Variants in PSME4 observed in about 807,000 individuals in gnomAD.
PSME4 encodes proteasome activator subunit 4.
Under a neutral mutation model 253.9 loss-of-function variants are expected in PSME4, and 89 were observed. The observed-to-expected ratio is 0.35, with a 90% confidence interval of 0.30 to 0.42. The LOEUF is 0.42. Ranked by LOEUF, PSME4 falls within the 10% of genes least tolerant of loss-of-function variation. PSME4 has a pLI of 1.00. For missense variants in PSME4, 2,014 were observed against 2,195.2 expected, an observed-to-expected ratio of 0.92 and a Z score of 1.65; for synonymous variants, 851 against 759.2, an observed-to-expected ratio of 1.12 and a Z score of -1.99.
At chr2:53,945,317 A>T (rs1163744947) in intron 3 of PSME4, among the ~76,000 whole-genome samples, 2 of 152,212 alleles carry the variant, frequency 1.3e-5, no homozygotes, top group Admixed American at 6.5e-5. Flanking sequence ...TATAAAGTAA[A>T]TAATAATTCT....
Position 53,869,514 on chromosome 2 carries a change from A to T in PSME4, c.5125T>A (p.Leu1709Ile). The stretch of plus-strand genomic sequence containing the variant: ...AAGTTACACTGTAGCAGACCGCTTA[A>T]GGTAGTAGCAGCCATTTCTCGAACC... Reference protein sequence around the residue: ...LEVREMAATTLSGLLQCNFLT... With the variant: ...LEVREMAATTISGLLQCNFLT... Residue 1709 changes from leucine (L) to isoleucine (I), a missense_variant, in exon 44 of 47, where the codon TTA becomes ATA. Leu to Ile is a conservative substitution (Grantham distance 5). Transcript: ENST00000404125. The T allele has an allele frequency of 6.5e-7, 1 of 1,530,996 alleles. No individual in the cohort carries two copies. Among genetic ancestry groups the T allele is most frequent in the Non-Finnish European group, 8.9e-7 (1 of 1,123,242 alleles). 94.8% of individuals were successfully genotyped at this position (1,530,996 alleles called of 1,614,324 possible). A position where few individuals can be genotyped will look rare whatever the true frequency, so the allele number is the denominator to read the frequency against.
intron 7 of PSME4, 43 bp downstream of exon 7, chr2:53,936,044 C>T: frequency 6.3e-7 from 1 of 1,585,816 alleles, no homozygotes; most frequent in Non-Finnish European, 8.6e-7. Context: ...CAGGCGCCTA[C>T]CACCCCATGC....
Position 53,923,432 on chromosome 2 carries a change from G to A in PSME4, c.1810-13C>T, listed in dbSNP as rs1205442126. 4 of 1,574,318 alleles carry A rather than the reference G, an allele frequency of 2.5e-6. No homozygotes were observed. The highest frequency in any genetic ancestry group is 3.4e-6 in the Non-Finnish European group (4 of 1,166,224). ...TCTGAAGGGCCACCTGTTAAGATAT[G>A]AAAATGTTTAATGAGCATTTTTTAA... On this transcript the variant is annotated splice_polypyrimidine_tract_variant and intron_variant, in intron 14 of 46. Transcript: ENST00000404125.
intron 27 of PSME4, 21 bp from the exon 28 acceptor site, chr2:53,901,580 A>G (rs1343454023): frequency 1.3e-6 from 2 of 1,565,286 alleles, no homozygotes; most frequent in Non-Finnish European, 8.8e-7. Flanking sequence ...AAAAATATAT[A>G]TATGTTTACA....
At chr2:53,908,701 A>G (rs1038958237) in intron 22 of PSME4, 83 bp downstream of exon 22, 15 of 1,445,676 alleles carry the variant, frequency 1.0e-5, no homozygotes, top group Admixed American at 8.5e-5. Flanking sequence ...AAAAACATTA[A>G]GTAAACACAT....
Position 53,865,991 on chromosome 2 carries a change from T to C in PSME4, c.*4+94A>G, listed in dbSNP as rs888647992. ...CCGCCATCCAACTTTATCTAAACACTGACATCTAAGAATGTCAGCAAAAAG... is the reference window on the plus strand; with the variant it reads ...CCGCCATCCAACTTTATCTAAACACCGACATCTAAGAATGTCAGCAAAAAG... On this transcript the variant is annotated intron_variant, in intron 46 of 46. Transcript: ENST00000404125. 3.7e-5 allele frequency: 47 copies of C among 1,272,794 alleles called. No homozygotes were observed. The African/African-American group carries it at 5.4e-4, about 15-fold the overall frequency. The allele number at this position is 1,272,794 out of a possible 1,614,324, so 78.8% of individuals were successfully genotyped here. A position where few individuals can be genotyped will look rare whatever the true frequency, so the allele number is the denominator to read the frequency against.
intron 20 of PSME4, among the ~76,000 whole-genome samples, chr2:53,913,080 C>T (rs937148259): frequency 4.6e-5 from 7 of 152,132 alleles, no homozygotes; most frequent in Non-Finnish European, 8.8e-5. Flanking sequence ...ATTTTACAAA[C>T]CATAGTATCA....
chr2:53,908,713 C>T, intron 22 of PSME4, 71 bp downstream of exon 22: 1 of 1,444,924 alleles, frequency 6.9e-7, no homozygotes, highest in Non-Finnish European at 9.5e-7. Flanking sequence ...TAAACACATG[C>T]ATGTTATAGA....
intron 1 of PSME4, among the ~76,000 whole-genome samples, chr2:53,953,470 T>G (rs1670092083): frequency 7.9e-6 from 1 of 126,918 alleles, no homozygotes; most frequent in Non-Finnish European, 1.6e-5. Context: ...AGCAACATGG[T>G]GAAACCCCAT....
intron 38 of PSME4, 58 bp from the exon 39 acceptor site, chr2:53,888,047 C>T: frequency 6.6e-7 from 1 of 1,507,362 alleles, no homozygotes; most frequent in South Asian, 1.3e-5. Context: ...TACATATTGA[C>T]AGTATGGACA....
Position 53,866,090 on chromosome 2 carries a change from T to C in PSME4, c.5531A>G (p.Ter1844TrpextTer4), listed in dbSNP as rs1386773352. 6.2e-7 allele frequency: 1 copy of C among 1,609,380 alleles called. No individual in the cohort carries two copies. Among genetic ancestry groups the C allele is most frequent in the Non-Finnish European group, 8.5e-7 (1 of 1,177,240 alleles). The part of the protein sequence containing the change: ...DLLVSPCYYA[*>W] ...TCAGAACTTTGCTGACTTACCTTTCTATGCATAATAGCATGGTGACACAAG... is the reference window on the plus strand; with the variant it reads ...TCAGAACTTTGCTGACTTACCTTTCCATGCATAATAGCATGGTGACACAAG... Residue 1844 changes from the stop codon to tryptophan, a stop_lost, in exon 46 of 47, where the codon TAG becomes TGG. Coordinates refer to ENST00000404125, the MANE Select transcript of PSME4 (RefSeq NM_014614.3).
At position 53,967,649 on chromosome 2, in the gene PSME4, CAAAAAAAAAAA is replaced by C. The variant is rs71408747; in HGVS notation, c.242+2883_242+2893del. On this transcript the variant is annotated intron_variant, in intron 1 of 46. Coordinates refer to ENST00000404125, the MANE Select transcript of PSME4 (RefSeq NM_014614.3). The stretch of plus-strand genomic sequence containing the variant: ...TCTGGGCAACAGAGTGAGATTGTCT[CAAAAAAAAAAA>C]AAAAAAAAAAAAAAAAAAAGTCAAA... Among the ~76,000 whole-genome samples the C allele has an allele frequency of 9.7e-4, 21 of 21,554 alleles. No individual in the cohort carries two copies. The South Asian group carries it at 0.019, about 20-fold the overall frequency. 14.1% of individuals were successfully genotyped at this position (21,554 alleles called of 152,430 possible).
rs552301117 is a variant in PSME4, at chr2:53,874,203, C to G, written c.5100+136G>C. The G allele has an allele frequency of 3.9e-5, 33 of 848,680 alleles. 3 individuals are homozygous for G. The South Asian group carries it at 5.0e-4, about 13-fold the overall frequency. The allele number at this position is 848,680 out of a possible 1,614,324, so 52.6% of individuals were successfully genotyped here. ...TCAAACTCCTGGCATCAAGTGATCT[C>G]ACTGACTTCGTCTCTCAAAGAGTTG... On this transcript the variant is annotated intron_variant, in intron 43 of 46. Transcript: ENST00000404125.
intron 41 of PSME4, among the ~76,000 whole-genome samples, chr2:53,878,183 C>T (rs906742930): frequency 6.6e-6 from 1 of 152,140 alleles, no homozygotes; most frequent in African/African-American, 2.4e-5. Flanking sequence ...TTATTAGTTC[C>T]CCAAATTAAT....
At chr2:53,969,972 C>T (rs1047773213) in intron 1 of PSME4, among the ~76,000 whole-genome samples, 10 of 152,132 alleles carry the variant, frequency 6.6e-5, no homozygotes, top group Non-Finnish European at 7.4e-5. Flanking sequence ...TGACTTTAAA[C>T]GACCCTTTTC....
intron 32 of PSME4, among the ~76,000 whole-genome samples, chr2:53,896,176 A>C (rs536901420): frequency 3.9e-5 from 6 of 152,180 alleles, no homozygotes; most frequent in African/African-American, 1.4e-4. Context: ...AACTGTAGAC[A>C]TCATCTCAAA....
At chr2:53,886,576 C>T (rs898144257) in intron 40 of PSME4, among the ~76,000 whole-genome samples, 2 of 152,168 alleles carry the variant, frequency 1.3e-5, no homozygotes, top group African/African-American at 2.4e-5. Context: ...GGCGAGAACA[C>T]GGAACCCTTG....
At chr2:53,938,882 ACTATGCTCCACCTTCAAAGATCTC>A (rs1669248380) in intron 4 of PSME4, among the ~76,000 whole-genome samples, 1 of 152,194 alleles carries the variant, frequency 6.6e-6, no homozygotes, top group African/African-American at 2.4e-5. Context: ...ACAAAAACAA[ACTATGCTCCACCTTCAAAGATCTC>A]ACATATCAAG....
rs549869090 is a variant in PSME4, at chr2:53,966,032, C to T, written c.242+4511G>A. 2.6e-5 allele frequency among the ~76,000 whole-genome samples: 4 copies of T among 152,276 alleles called. 1 individual carries two copies. The highest frequency in any genetic ancestry group is 9.6e-5 in the African/African-American group (4 of 41,562). ...ACATGGTGACTCACGCCTGTAATCCCAGCACCTTGGGAGGCCGAGATCTTG... is the reference window on the plus strand; with the variant it reads ...ACATGGTGACTCACGCCTGTAATCCTAGCACCTTGGGAGGCCGAGATCTTG... On this transcript the variant is annotated intron_variant, in intron 1 of 46. Transcript: ENST00000404125.
Sources: allele counts gnomAD v4.1 joint callset (sites outside exome capture counted in the v4.1 genomes callset), GRCh38; gene constraint gnomAD v4.1.1; transcripts MANE v1.5; gene names NCBI Gene and HGNC (gene_info 2026-07-23, HGNC 2026-07-21).